The following PLCXD3 variants were observed in gnomAD, a reference collection of about 807,000 sequenced individuals.
The protein encoded by PLCXD3 is phosphatidylinositol specific phospholipase C X domain containing 3.
Under a neutral mutation model 25.5 loss-of-function variants are expected in PLCXD3, and 19 were observed. The ratio of observed to expected loss-of-function variants is 0.75; its 90% confidence interval spans 0.52 to 1.09. PLCXD3 has a LOEUF of 1.09. PLCXD3 is among the 50% of genes least tolerant of loss of function. The pLI, the probability that PLCXD3 is intolerant of heterozygous loss-of-function variation, is 0.00. For synonymous variants in PLCXD3, 174 were observed against 137.6 expected, an observed-to-expected ratio of 1.26 and a Z score of -1.85; for missense variants, 411 against 388.1, an observed-to-expected ratio of 1.06 and a Z score of -0.50.
At chr5:41,414,217 ATTT>A (rs11367879) in intron 1 of PLCXD3, among the ~76,000 whole-genome samples, 8 of 150,288 alleles carry the variant, frequency 5.3e-5, no homozygotes, top group Admixed American at 4.0e-4. Context: ...GGGAGTAGGC[ATTT>A]TTTTTTTTTA....
intron 1 of PLCXD3, among the ~76,000 whole-genome samples, chr5:41,403,401 G>GTTTTTTTGTTTTTGTTT (rs1746251776): frequency 5.4e-5 from 1 of 18,394 alleles, no homozygotes; most frequent in Admixed American, 5.1e-4. Flanking sequence ...CTTATTTGTT[G>GTTTTTTTGTTTTTGTTT]TTTTTTTTTT....
At chr5:41,431,295 G>T (rs534632586) in intron 1 of PLCXD3, among the ~76,000 whole-genome samples, 5 of 152,278 alleles carry the variant, frequency 3.3e-5, no homozygotes, top group South Asian at 4.1e-4. Context: ...ATGAGACTTT[G>T]CTTTTAATTT....
At chr5:41,470,833 G>A (rs1463771362) in intron 1 of PLCXD3, among the ~76,000 whole-genome samples, 4 of 152,174 alleles carry the variant, frequency 2.6e-5, no homozygotes, top group African/African-American at 9.7e-5. Flanking sequence ...GTCTACCTTA[G>A]TAAGCAGATA....
At chr5:41,482,454 A>G (rs953057208) in intron 1 of PLCXD3, among the ~76,000 whole-genome samples, 2 of 152,202 alleles carry the variant, frequency 1.3e-5, no homozygotes, top group African/African-American at 4.8e-5. Context: ...CTTCCCATAT[A>G]TTATTCCATT....
At chr5:41,434,204 G>A (rs1747181736) in intron 1 of PLCXD3, among the ~76,000 whole-genome samples, 1 of 152,184 alleles carries the variant, frequency 6.6e-6, no homozygotes, top group South Asian at 2.1e-4. Flanking sequence ...TACGCAAGTT[G>A]CTGTATCACA....
In PLCXD3 at chr5:41,434,196, C is replaced by G. The variant is rs182543797; in HGVS notation, c.104-51662G>C. Among the ~76,000 whole-genome samples, 150 of 152,292 alleles carry G rather than the reference C, an allele frequency of 9.8e-4. 1 individual carries two copies. In the Middle Eastern group the frequency reaches 0.034, roughly 35 times the overall value. ...TCCTAGTTTGCCCTGTTGGCTGCTA[C>G]GCAAGTTGCTGTATCACAAAGCACC... is the stretch of plus-strand genomic sequence containing the variant. On this transcript the variant is annotated intron_variant, in intron 1 of 2. Transcript: ENST00000377801.
intron 1 of PLCXD3, among the ~76,000 whole-genome samples, chr5:41,490,306 GC>G: frequency 6.6e-6 from 1 of 152,304 alleles, no homozygotes; most frequent in Admixed American, 6.5e-5. Context: ...TGGTGGATAA[GC>G]TTTTTGACAT....
intron 1 of PLCXD3, among the ~76,000 whole-genome samples, chr5:41,502,588 A>G (rs1748976062): frequency 6.6e-6 from 1 of 152,154 alleles, no homozygotes; most frequent in South Asian, 2.1e-4. Flanking sequence ...GAGAACAAGA[A>G]ATGAATTTAC....
At chr5:41,452,458 T>A (rs1747655048) in intron 1 of PLCXD3, among the ~76,000 whole-genome samples, 1 of 152,012 alleles carries the variant, frequency 6.6e-6, no homozygotes, top group African/African-American at 2.4e-5. Context: ...CAGTCAATGA[T>A]CCCTCAGAGC....
At chr5:41,387,495 G>A (rs1412904071) in intron 1 of PLCXD3, among the ~76,000 whole-genome samples, 1 of 152,074 alleles carries the variant, frequency 6.6e-6, no homozygotes, top group African/African-American at 2.4e-5. Context: ...GAGTATTACA[G>A]TATAGTTGAG....
intron 1 of PLCXD3, among the ~76,000 whole-genome samples, chr5:41,421,269 C>T (rs1746814214): frequency 1.3e-5 from 2 of 152,142 alleles, no homozygotes; most frequent in Admixed American, 1.3e-4. Flanking sequence ...TATTCAATCC[C>T]TAATTCTTTT....
chr5:41,456,849 C>T (rs1227054492), intron 1 of PLCXD3, among the ~76,000 whole-genome samples: 2 of 151,896 alleles, frequency 1.3e-5, no homozygotes, highest in Non-Finnish European at 2.9e-5. Context: ...TAAGATTTCT[C>T]AGCCCCCCAA....
Position 41,311,335 on chromosome 5 carries a change from A to G in PLCXD3, c.*2282T>C, listed in dbSNP as rs980186342. On this transcript the variant is annotated 3_prime_UTR_variant, in exon 3 of 3. Coordinates refer to ENST00000377801, the MANE Select transcript of PLCXD3 (RefSeq NM_001005473.3). Reference sequence around the variant, plus strand: ...AGGGAAGGGAAAATGGAAAGAAGAGAAGAAATATATTTTAAAAATAATTAA... The same window carrying G: ...AGGGAAGGGAAAATGGAAAGAAGAGGAGAAATATATTTTAAAAATAATTAA... 22 of 152,140 alleles carry G rather than the reference A, an allele frequency of 1.4e-4. No homozygotes were observed. The highest frequency in any genetic ancestry group is 5.1e-4 in the African/African-American group (21 of 41,456). 9.4% of individuals were successfully genotyped at this position (152,140 alleles called of 1,614,324 possible).
chr5:41,480,692 A>T lies in PLCXD3; in HGVS notation c.103+29732T>A, dbSNP rs185514305. 7.8e-4 allele frequency among the ~76,000 whole-genome samples: 118 copies of T among 152,144 alleles called. 1 individual carries two copies. In the East Asian group the frequency reaches 0.015, roughly 20 times the overall value. ...TCCTAGCACTTTGGGAGGCCAAGGC[A>T]GGTGGATCACCTGAGGTCAGGATTT... is the stretch of plus-strand genomic sequence containing the variant. On this transcript the variant is annotated intron_variant, in intron 1 of 2. Coordinates refer to ENST00000377801, the MANE Select transcript of PLCXD3 (RefSeq NM_001005473.3).
intron 1 of PLCXD3, among the ~76,000 whole-genome samples, chr5:41,485,923 C>A (rs915929502): frequency 6.6e-6 from 1 of 152,126 alleles, no homozygotes; most frequent in Non-Finnish European, 1.5e-5. Flanking sequence ...TGAAGCTCAT[C>A]AGAATAGGTC....
At chr5:41,461,550 A>C (rs73079766) in intron 1 of PLCXD3, among the ~76,000 whole-genome samples, 1,695 of 152,114 alleles carry the variant, frequency 0.011, 28 homozygotes, top group African/African-American at 0.038. Flanking sequence ...AGCATTTGTC[A>C]TCACTGCCTC....
At chr5:41,443,478 T>A (rs1382249483) in intron 1 of PLCXD3, among the ~76,000 whole-genome samples, 1 of 152,172 alleles carries the variant, frequency 6.6e-6, no homozygotes, top group Non-Finnish European at 1.5e-5. Context: ...TGTATATATA[T>A]TAGTTGATAT....
chr5:41,477,335 A>T (rs1362247533), intron 1 of PLCXD3, among the ~76,000 whole-genome samples: 1 of 152,198 alleles, frequency 6.6e-6, no homozygotes, highest in Non-Finnish European at 1.5e-5. Flanking sequence ...TAAAAACAAA[A>T]ACAAGTTTAT....
At chr5:41,500,840 T>C (rs1047632496) in intron 1 of PLCXD3, among the ~76,000 whole-genome samples, 3 of 151,774 alleles carry the variant, frequency 2.0e-5, no homozygotes, top group Non-Finnish European at 2.9e-5. Context: ...CAAAAATATA[T>C]AAGGAATTCC....
Sources: gnomAD v4.1 joint callset for allele counts (sites outside exome capture counted in the v4.1 genomes callset) on GRCh38, gnomAD v4.1.1 for gene constraint, MANE v1.5 for transcripts, NCBI Gene and HGNC (gene_info 2026-07-23, HGNC 2026-07-21) for gene names.